ANKRD44: variants seen among roughly 807,000 people sequenced by gnomAD.
The protein encoded by ANKRD44 is serine/threonine-protein phosphatase 6 regulatory ankyrin repeat subunit B.
A neutral mutation model predicts 116.0 loss-of-function variants in ANKRD44; 35 were observed. The ratio of observed to expected loss-of-function variants is 0.30; its 90% CI spans 0.23 to 0.40. ANKRD44 has a LOEUF of 0.40. Among genes scored for constraint, ANKRD44 ranks in the 10% least tolerant of loss-of-function variants. ANKRD44 has a pLI of 1.00. For synonymous variants in ANKRD44, 435 were observed against 461.8 expected, an observed-to-expected ratio of 0.94 and a Z score of 0.74; for missense variants, 1,014 against 1,242.6, an observed-to-expected ratio of 0.82 and a Z score of 2.77.
intron 27 of ANKRD44, chr2:196,990,541 C>T (rs893674423): frequency 8.1e-7 from 1 of 1,229,450 alleles, no homozygotes; most frequent in Non-Finnish European, 1.0e-6. Context: ...TCACTGCCCT[C>T]CCTCGATTAA....
intron 1 of ANKRD44, among the ~76,000 whole-genome samples, chr2:197,232,446 A>G (rs2081886899): frequency 6.6e-6 from 1 of 152,234 alleles, no homozygotes; most frequent in Non-Finnish European, 1.5e-5. Context: ...AAATTTTATA[A>G]TATAACTTCA....
At chr2:197,181,793 C>A (rs1366834270) in intron 2 of ANKRD44, among the ~76,000 whole-genome samples, 1 of 152,198 alleles carries the variant, frequency 6.6e-6, no homozygotes, top group Admixed American at 6.5e-5. Flanking sequence ...ATCTTTTGAG[C>A]TAACATCTTA....
intron 1 of ANKRD44, among the ~76,000 whole-genome samples, chr2:197,268,932 C>T (rs111795864): frequency 3.3e-5 from 5 of 152,100 alleles, no homozygotes; most frequent in Non-Finnish European, 7.3e-5. Flanking sequence ...GATTGCTCAG[C>T]GTTCTTAAAT....
At chr2:197,037,595 C>T (rs1183194844) in intron 16 of ANKRD44, among the ~76,000 whole-genome samples, 1 of 152,132 alleles carries the variant, frequency 6.6e-6, no homozygotes, top group African/African-American at 2.4e-5. Flanking sequence ...GCAGAATTAC[C>T]AAAATCATTG....
intron 2 of ANKRD44, among the ~76,000 whole-genome samples, chr2:197,148,505 T>C (rs570609986): frequency 4.1e-4 from 62 of 152,352 alleles, no homozygotes; most frequent in Non-Finnish European, 7.8e-4. Flanking sequence ...CTTTCATAAT[T>C]TGATTATATA....
intron 2 of ANKRD44, among the ~76,000 whole-genome samples, chr2:197,155,676 G>A (rs1367713451): frequency 6.6e-6 from 1 of 152,108 alleles, no homozygotes; most frequent in African/African-American, 2.4e-5. Flanking sequence ...AATCAAAATG[G>A]ATCACAGAAC....
chr2:197,240,407 C>A lies in ANKRD44; in HGVS notation c.28-53301G>T, dbSNP rs552043930. Among the ~76,000 whole-genome samples, 8 of 149,134 alleles carry A rather than the reference C, an allele frequency of 5.4e-5. No individual in the cohort carries two copies. In the East Asian group the frequency reaches 1.6e-3, roughly 29 times the overall value. On this transcript the variant is annotated intron_variant, in intron 1 of 27. Transcript: ENST00000282272. ...AAAAAAAAAAAGAGCCAAGCCAAGA[C>A]CTTCTTTTAAAAAAAACAAAAAGTT...
chr2:197,224,920 C>A (rs2081667667), intron 1 of ANKRD44, among the ~76,000 whole-genome samples: 1 of 152,164 alleles, frequency 6.6e-6, no homozygotes, highest in African/African-American at 2.4e-5. Context: ...AATCAAAACA[C>A]ATTTGAAGTT....
At chr2:196,986,185 C>G (rs1224122932), downstream of ANKRD44, among the ~76,000 whole-genome samples, 1 of 152,078 alleles carries the variant, frequency 6.6e-6, no homozygotes, top group Non-Finnish European at 1.5e-5. Flanking sequence ...TTTATCACGT[C>G]TTTTGTCATA....
At chr2:197,165,576 A>T (rs2080084808) in intron 2 of ANKRD44, among the ~76,000 whole-genome samples, 1 of 152,218 alleles carries the variant, frequency 6.6e-6, no homozygotes, top group Non-Finnish European at 1.5e-5. Context: ...TGTAAGAGGC[A>T]CTCAGCACTA....
intron 16 of ANKRD44, among the ~76,000 whole-genome samples, chr2:197,030,785 C>T (rs1193892837): frequency 1.3e-5 from 2 of 151,908 alleles, no homozygotes; most frequent in African/African-American, 2.4e-5. Context: ...TGAAGCCTGA[C>T]TGATTCAAAG....
intron 1 of ANKRD44, among the ~76,000 whole-genome samples, chr2:197,291,547 C>T (rs570190567): frequency 3.9e-5 from 6 of 152,016 alleles, no homozygotes; most frequent in East Asian, 1.9e-4. Flanking sequence ...GATAAAAGTG[C>T]GGTAATTTAC....
intron 16 of ANKRD44, among the ~76,000 whole-genome samples, chr2:197,047,346 C>T (rs942119627): frequency 6.6e-6 from 1 of 152,052 alleles, no homozygotes; most frequent in South Asian, 2.1e-4. Context: ...AGATGACTAA[C>T]GAAATGCAAT....
At chr2:197,178,645 T>C (rs2080427889) in intron 2 of ANKRD44, among the ~76,000 whole-genome samples, 1 of 152,166 alleles carries the variant, frequency 6.6e-6, no homozygotes, top group Non-Finnish European at 1.5e-5. Context: ...AAAAATATAT[T>C]AGATGTTTAC....
At chr2:197,033,666 C>CTTT (rs59226408) in intron 16 of ANKRD44, among the ~76,000 whole-genome samples, 29 of 144,130 alleles carry the variant, frequency 2.0e-4, no homozygotes, top group African/African-American at 5.8e-4. Context: ...GTTGTTGTTG[C>CTTT]TTTTTTTTTT....
intron 16 of ANKRD44, 41 bp downstream of exon 16, chr2:197,078,662 G>C (rs772341304): frequency 6.5e-6 from 10 of 1,530,516 alleles, no homozygotes; most frequent in Non-Finnish European, 6.3e-6. Context: ...TGGGGTATGT[G>C]TGTGTGTGTG....
At chr2:196,982,184 T>C (rs2075806726), downstream of ANKRD44, among the ~76,000 whole-genome samples, 1 of 148,014 alleles carries the variant, frequency 6.8e-6, no homozygotes, top group Admixed American at 6.8e-5. Flanking sequence ...ATACAGAAAG[T>C]AGGCTTGCAA....
chr2:197,176,752 C>A (rs1354659416), intron 2 of ANKRD44, among the ~76,000 whole-genome samples: 1 of 152,134 alleles, frequency 6.6e-6, no homozygotes, highest in African/African-American at 2.4e-5. Flanking sequence ...CTATCCTACA[C>A]TGCCAGAAAT....
At chr2:197,103,708 T>C (rs1185321343) in intron 9 of ANKRD44, among the ~76,000 whole-genome samples, 2 of 152,182 alleles carry the variant, frequency 1.3e-5, no homozygotes. Context: ...TTTCTTATTG[T>C]AGAAAATTTA....
Sources: gnomAD v4.1 joint callset for allele counts (sites outside exome capture counted in the v4.1 genomes callset) on GRCh38, gnomAD v4.1.1 for gene constraint, MANE v1.5 for transcripts, NCBI Gene and HGNC (gene_info 2026-07-23, HGNC 2026-07-21) for gene names.